PSMD1: variants seen among roughly 807,000 people sequenced by gnomAD.
PSMD1 encodes proteasome 26S subunit, non-ATPase 1.
In PSMD1, 18 loss-of-function variants were observed where a neutral mutation model predicts 119.0. The observed-to-expected ratio is 0.15, with a 90% CI of 0.10 to 0.22. The LOEUF is 0.22. PSMD1 is among the 10% of genes least tolerant of loss of function. The pLI, the probability that PSMD1 is intolerant of heterozygous loss-of-function variation, is 1.00. For missense variants in PSMD1, 702 were observed against 1,158.5 expected (o/e 0.61, Z 5.72); for synonymous variants, 374 against 396.6 (o/e 0.94, Z 0.68).
At chr2:231,166,149 A>G (rs1010221908) in intron 23 of PSMD1, 132 bp downstream of exon 23, 1 of 969,964 alleles carries the variant, frequency 1.0e-6, no homozygotes, top group African/African-American at 1.6e-5. Context: ...ATTATTTAAC[A>G]AAAGAGAGAA....
chr2:231,167,080 G>T (rs1156624151), intron 23 of PSMD1, among the ~76,000 whole-genome samples: 1 of 152,204 alleles, frequency 6.6e-6, no homozygotes, highest in African/African-American at 2.4e-5. Context: ...GTTGTTACAT[G>T]TAAAGCACCT....
intron 16 of PSMD1, among the ~76,000 whole-genome samples, chr2:231,127,712 A>G (rs946373578): frequency 1.3e-5 from 2 of 152,236 alleles, no homozygotes; most frequent in Admixed American, 1.3e-4. Context: ...ACTTCTGTGT[A>G]CTTAAGAAAA....
intron 18 of PSMD1, among the ~76,000 whole-genome samples, chr2:231,151,881 C>T (rs1488533627): frequency 1.4e-5 from 2 of 139,270 alleles, no homozygotes; most frequent in African/African-American, 2.7e-5. Flanking sequence ...GGCACGATCT[C>T]GGTTCACTGC....
At chr2:231,167,373 A>G (rs765491369) in intron 23 of PSMD1, among the ~76,000 whole-genome samples, 34 of 152,370 alleles carry the variant, frequency 2.2e-4, no homozygotes, top group Admixed American at 4.6e-4. Flanking sequence ...TTATGAACTA[A>G]GACAGTGAGG....
intron 16 of PSMD1, among the ~76,000 whole-genome samples, chr2:231,088,501 A>T (rs964596532): frequency 2.0e-5 from 3 of 152,228 alleles, no homozygotes; most frequent in African/African-American, 7.2e-5. Flanking sequence ...CATTTTGGTA[A>T]TCCTCACAAT....
intron 16 of PSMD1, among the ~76,000 whole-genome samples, chr2:231,094,427 A>G (rs1286565069): frequency 6.6e-6 from 1 of 152,208 alleles, no homozygotes; most frequent in Admixed American, 6.5e-5. Context: ...ACGTTGATCC[A>G]GCAATTGCTG....
intron 7 of PSMD1, among the ~76,000 whole-genome samples, chr2:231,075,247 A>G (rs573789778): frequency 6.6e-6 from 1 of 152,272 alleles, no homozygotes; most frequent in Admixed American, 6.5e-5. Flanking sequence ...TTTGTGAATG[A>G]AGGAGATATT....
At chr2:231,085,198 C>T in intron 15 of PSMD1, 84 bp downstream of exon 15, 3 of 1,121,530 alleles carry the variant, frequency 2.7e-6, no homozygotes, top group Non-Finnish European at 4.1e-6. Flanking sequence ...CTCCAGCATC[C>T]ACAGCGCATG....
intron 19 of PSMD1, among the ~76,000 whole-genome samples, chr2:231,159,482 C>T (rs1436153280): frequency 1.3e-5 from 2 of 152,186 alleles, no homozygotes; most frequent in Non-Finnish European, 2.9e-5. Flanking sequence ...ACCTAGTAAT[C>T]CTGGACCTAC....
intron 16 of PSMD1, among the ~76,000 whole-genome samples, chr2:231,120,097 G>A (rs1423379732): frequency 1.3e-5 from 2 of 151,652 alleles, no homozygotes; most frequent in East Asian, 2.0e-4. Flanking sequence ...GACTACAGGC[G>A]CGTACCACCA....
At chr2:231,073,498 TC>T (rs2125163501) in intron 7 of PSMD1, among the ~76,000 whole-genome samples, 1 of 152,322 alleles carries the variant, frequency 6.6e-6, no homozygotes, top group Non-Finnish European at 1.5e-5. Flanking sequence ...TTTTCAAGAT[TC>T]TTTGGGCTAT....
chr2:231,057,284 C>T (rs1559213496), intron 1 of PSMD1, among the ~76,000 whole-genome samples: 1 of 152,142 alleles, frequency 6.6e-6, no homozygotes, highest in Non-Finnish European at 1.5e-5. Flanking sequence ...CACACCCCAG[C>T]GCCAGGACCC....
chr2:231,127,339 A>G (rs1017918603), intron 16 of PSMD1, among the ~76,000 whole-genome samples: 1 of 151,162 alleles, frequency 6.6e-6, no homozygotes, highest in Non-Finnish European at 1.5e-5. Context: ...AGAGACTTGT[A>G]CCTTTTTTTG....
chr2:231,150,799 C>T (rs901699811), intron 18 of PSMD1, among the ~76,000 whole-genome samples: 1 of 151,960 alleles, frequency 6.6e-6, no homozygotes, highest in Non-Finnish European at 1.5e-5. Context: ...AATATAATTT[C>T]ACAGACAAAA....
chr2:231,094,570 T>C (rs1694681162), intron 16 of PSMD1, among the ~76,000 whole-genome samples: 1 of 152,194 alleles, frequency 6.6e-6, no homozygotes, highest in South Asian at 2.1e-4. Context: ...AAGTTTCCAG[T>C]GCCAGTATTA....
chr2:231,080,152 A>G lies in PSMD1; in HGVS notation c.1251A>G (p.Lys417=), dbSNP rs1436798515. Residue 417 remains lysine, a synonymous_variant, in exon 12 of 25, where the codon AAA becomes AAG. Coordinates refer to ENST00000308696, the MANE Select transcript of PSMD1 (RefSeq NM_002807.4). ...ACTTACCTTTACAGGGTCATGAAAA[A>G]GAAGCATTACAGTTAATGGCAACAT... The part of the protein sequence containing the change: ...SLGVIHKGHE[K]EALQLMATYL... 2.5e-6 allele frequency: 4 copies of G among 1,607,892 alleles called. No individual in the cohort carries two copies. Among genetic ancestry groups the G allele is most frequent in the Non-Finnish European group, 3.4e-6 (4 of 1,177,898 alleles).
chr2:231,165,847 C>T, intron 22 of PSMD1, 24 bp from the exon 23 acceptor site: 2 of 1,544,892 alleles, frequency 1.3e-6, no homozygotes, highest in South Asian at 1.2e-5. Context: ...TTCTGTTGAA[C>T]TTTTTTTAAA....
chr2:231,130,889 G>C (rs1695838593), intron 16 of PSMD1, among the ~76,000 whole-genome samples: 1 of 152,200 alleles, frequency 6.6e-6, no homozygotes, highest in African/African-American at 2.4e-5. Context: ...ATTATTTCGT[G>C]ATGTTATCTA....
In PSMD1 at chr2:231,138,747, A is replaced by G. The variant is rs1281662725; in HGVS notation, c.1895A>G (p.Gln632Arg). Residue 632 changes from glutamine (Q) to arginine (R), a missense_variant, in exon 17 of 25, where the codon CAG becomes CGG. Gln to Arg is a conservative substitution (Grantham distance 43). This residue lies in a region of PSMD1 where 272 missense variants were observed against 511.6 expected (regional missense o/e 0.53). Coordinates refer to ENST00000308696, the MANE Select transcript of PSMD1 (RefSeq NM_002807.4). ...CTGTTTCTTATCAGAACCCCTGAAC[A>G]GTGCCCAAGTGTTGTCTCTTTGTTG... ...LGFILFRTPE[Q>R]CPSVVSLLSE... The G allele has an allele frequency of 2.5e-6, 4 of 1,613,718 alleles. No individual in the cohort carries two copies. Among genetic ancestry groups the G allele is most frequent in the Admixed American group, 3.3e-5 (2 of 60,008 alleles).
Sources: gnomAD v4.1 joint callset for allele counts (sites outside exome capture counted in the v4.1 genomes callset) on GRCh38, gnomAD v4.1.1 for gene constraint, gnomAD v4.1.1 regional missense constraint, MANE v1.5 for transcripts, NCBI Gene and HGNC (gene_info 2026-07-23, HGNC 2026-07-21) for gene names.